CACNA1C: variants seen among roughly 807,000 people sequenced by gnomAD.
CACNA1C encodes the protein voltage-dependent L-type calcium channel subunit alpha-1C.
CACNA1C carries 30 observed loss-of-function variants against 229.0 expected under a neutral mutation model. That is an observed-to-expected ratio of 0.13 (90% CI 0.10 to 0.18). The LOEUF (loss-of-function observed/expected upper bound fraction) is 0.18, where lower values mean the gene tolerates loss of function less well. Among genes scored for constraint, CACNA1C ranks in the 10% least tolerant of loss-of-function variants. CACNA1C has a pLI of 1.00. For synonymous variants in CACNA1C, 1,114 were observed against 1,132.5 expected (o/e 0.98, Z 0.33); for missense variants, 1,658 against 2,845.0 (o/e 0.58, Z 9.49).
In CACNA1C at chr12:2,504,729, G is replaced by C. The variant is rs2099767873; in HGVS notation, c.1114-113G>C. 1.3e-6 allele frequency: 1 copy of C among 774,494 alleles called. No homozygotes were observed. Among genetic ancestry groups the C allele is most frequent in the South Asian group, 1.5e-5 (1 of 68,266 alleles). The allele number at this position is 774,494 out of a possible 1,614,324, so 48.0% of individuals were successfully genotyped here. Reference sequence around the variant, plus strand: ...CTGTTTGGCCTCTGATTTGCACCTAGAGGGTCCCCGGATCCTGGCGCTGCG... The same window carrying C: ...CTGTTTGGCCTCTGATTTGCACCTACAGGGTCCCCGGATCCTGGCGCTGCG... On this transcript the variant is annotated intron_variant, in intron 7 of 46. Transcript: ENST00000399655. This position sits in a 1 kb window ranked among gnomAD's most constrained non-coding sequence, Gnocchi z 6.8.
At chr12:2,274,719 G>A (rs1399324470) in intron 3 of CACNA1C, among the ~76,000 whole-genome samples, 1 of 152,202 alleles carries the variant, frequency 6.6e-6, no homozygotes, top group African/African-American at 2.4e-5. Context: ...TAGTGAAGCT[G>A]GGATTTACAC....
At chr12:2,224,760 G>A (rs776211002) in intron 3 of CACNA1C, among the ~76,000 whole-genome samples, 1 of 152,144 alleles carries the variant, frequency 6.6e-6, no homozygotes, top group Non-Finnish European at 1.5e-5. Flanking sequence ...AAGCACCGTG[G>A]GTCCCAGAGG....
chr12:2,249,004 A>C (rs1233131801), intron 3 of CACNA1C, among the ~76,000 whole-genome samples: 1 of 152,222 alleles, frequency 6.6e-6, no homozygotes, highest in Non-Finnish European at 1.5e-5. Context: ...TATTATGGCC[A>C]TGCTTGACTG....
Position 1,994,645 on chromosome 12 carries a change from T to A in CACNA1C, c.139+23444T>A, listed in dbSNP as rs552504044. Reference sequence around the variant, plus strand: ...ATCACCAGTGGGTGTCTCTATGAACTCTCTATTACAGAAAGGAAGGCATGG... The same window carrying A: ...ATCACCAGTGGGTGTCTCTATGAACACTCTATTACAGAAAGGAAGGCATGG... On this transcript the variant is annotated intron_variant, in intron 1 of 46. Transcript: ENST00000682462. Among the ~76,000 whole-genome samples the A allele has an allele frequency of 3.3e-5, 5 of 152,322 alleles. No individual in the cohort carries two copies. In the South Asian group the frequency reaches 1.0e-3, roughly 32 times the overall value.
intron 3 of CACNA1C, among the ~76,000 whole-genome samples, chr12:2,426,185 C>T (rs2099030186): frequency 6.6e-6 from 1 of 152,098 alleles, no homozygotes; most frequent in Non-Finnish European, 1.5e-5. Flanking sequence ...GTACATACGC[C>T]CACCCTGTGC....
At chr12:2,082,938 A>C (rs1448425702) in intron 1 of CACNA1C, among the ~76,000 whole-genome samples, 1 of 152,180 alleles carries the variant, frequency 6.6e-6, no homozygotes, top group Non-Finnish European at 1.5e-5. Context: ...TACGCCTGTG[A>C]AAATAGTTTT....
intron 9 of CACNA1C, among the ~76,000 whole-genome samples, chr12:2,542,847 T>G (rs1265313154): frequency 6.6e-6 from 1 of 151,828 alleles, no homozygotes; most frequent in Non-Finnish European, 1.5e-5. Context: ...TTTGTGGGGT[T>G]GAGGGGAGAA....
chr12:2,060,364 C>A (rs947320692), intron 1 of CACNA1C, among the ~76,000 whole-genome samples: 3 of 152,154 alleles, frequency 2.0e-5, no homozygotes, highest in African/African-American at 7.2e-5. Context: ...CTGAGCTGGG[C>A]GACCAAGGGC....
intron 1 of CACNA1C, among the ~76,000 whole-genome samples, chr12:2,091,101 A>G (rs141511812): frequency 6.6e-6 from 1 of 152,320 alleles, no homozygotes; most frequent in East Asian, 1.9e-4. Context: ...ATCCTCAGAT[A>G]TCGGGACTGG....
chr12:2,001,780 T>C (rs1053648648), intron 1 of CACNA1C, among the ~76,000 whole-genome samples: 9 of 152,208 alleles, frequency 5.9e-5, no homozygotes, highest in African/African-American at 1.7e-4. Flanking sequence ...AACACAACGT[T>C]AGTCACTTTA....
chr12:2,394,914 A>G (rs886780037), intron 3 of CACNA1C, among the ~76,000 whole-genome samples: 4 of 152,244 alleles, frequency 2.6e-5, no homozygotes, highest in South Asian at 4.1e-4. Flanking sequence ...CTTAAGTTCA[A>G]TTAGGATCCA....
At chr12:2,095,750 A>G (rs2073649346) in intron 1 of CACNA1C, among the ~76,000 whole-genome samples, 1 of 152,164 alleles carries the variant, frequency 6.6e-6, no homozygotes, top group South Asian at 2.1e-4. Context: ...CCCACAGAAG[A>G]GGAGAGTGCA....
At chr12:2,137,134 G>A (rs1250723536) in intron 3 of CACNA1C, among the ~76,000 whole-genome samples, 2 of 151,338 alleles carry the variant, frequency 1.3e-5, no homozygotes, top group Admixed American at 1.3e-4. Flanking sequence ...GTGCACCCTA[G>A]GCCCCACTGG....
intron 3 of CACNA1C, among the ~76,000 whole-genome samples, chr12:2,436,675 C>T (rs1003498255): frequency 6.6e-6 from 1 of 152,170 alleles, no homozygotes; most frequent in Non-Finnish European, 1.5e-5. Flanking sequence ...TTAATATGCC[C>T]AAATGGCTGA....
At chr12:2,302,115 C>T (rs948456624) in intron 3 of CACNA1C, among the ~76,000 whole-genome samples, 3 of 152,178 alleles carry the variant, frequency 2.0e-5, no homozygotes, top group Non-Finnish European at 4.4e-5. Flanking sequence ...GGCTGATTTT[C>T]GTGACTGACT....
chr12:2,437,852 A>G (rs111211642), intron 3 of CACNA1C, among the ~76,000 whole-genome samples: 30,942 of 106,302 alleles, frequency 0.29, 3,346 homozygotes, highest in East Asian at 0.36. Context: ...GGTGGTGATG[A>G]TGGTGGTGAT....
rs546982576 is a variant in CACNA1C, at chr12:2,653,037, G to A, written c.4075-798G>A. Reference sequence around the variant, plus strand: ...GACCGGTGGCCACGGCTGAAGCGGCGCCCGGGAACACGGGCTGGGCCTCCC... The same window carrying A: ...GACCGGTGGCCACGGCTGAAGCGGCACCCGGGAACACGGGCTGGGCCTCCC... On this transcript the variant is annotated intron_variant, in intron 32 of 46. Transcript: ENST00000399655. The surrounding 1 kb of genome is among the most constrained non-coding windows in gnomAD (Gnocchi z 4.7). Among the ~76,000 whole-genome samples the A allele has an allele frequency of 6.6e-6, 1 of 152,342 alleles. No individual in the cohort carries two copies. Among genetic ancestry groups the A allele is most frequent in the South Asian group, 2.1e-4 (1 of 4,824 alleles).
intron 3 of CACNA1C, among the ~76,000 whole-genome samples, chr12:2,206,466 A>G (rs1318547040): frequency 2.0e-5 from 3 of 152,158 alleles, no homozygotes; most frequent in African/African-American, 4.8e-5. Context: ...CTGAGTAGTT[A>G]TGTAGCTTTT....
At chr12:2,114,368 A>G (rs1596248633) in intron 1 of CACNA1C, among the ~76,000 whole-genome samples, 1 of 151,956 alleles carries the variant, frequency 6.6e-6, no homozygotes, top group Non-Finnish European at 1.5e-5. Context: ...AGTCAGGGGG[A>G]TGCAACGTGG....
Sources: allele counts gnomAD v4.1 joint callset (sites outside exome capture counted in the v4.1 genomes callset), GRCh38; gene constraint gnomAD v4.1.1; non-coding constraint Gnocchi (gnomAD v3.1); transcripts MANE v1.5; gene names NCBI Gene and HGNC (gene_info 2026-07-23, HGNC 2026-07-21).